Variants in RBMS3 observed in about 807,000 individuals in gnomAD.
RBMS3 encodes RNA-binding motif, single-stranded-interacting protein 3.
Under a neutral mutation model 66.8 loss-of-function variants are expected in RBMS3, and 27 were observed. The observed-to-expected ratio is 0.40, with a 90% CI of 0.30 to 0.56. The LOEUF (loss-of-function observed/expected upper bound fraction) is 0.56, where lower values mean the gene tolerates loss of function less well. RBMS3 is among the 20% of genes least tolerant of loss of function. The pLI is 0.40. For missense variants in RBMS3, 513 were observed against 549.5 expected (o/e 0.93, Z 0.66); for synonymous variants, 188 against 183.0 (o/e 1.03, Z -0.22).
At chr3:29,961,058 A>G (rs999432180) in intron 12 of RBMS3, among the ~76,000 whole-genome samples, 4 of 152,090 alleles carry the variant, frequency 2.6e-5, no homozygotes, top group African/African-American at 9.7e-5. Context: ...TCTTTCCTAT[A>G]GCATTGTCAA....
At chr3:29,813,520 G>T (rs1326606197) in intron 6 of RBMS3, among the ~76,000 whole-genome samples, 7 of 152,090 alleles carry the variant, frequency 4.6e-5, no homozygotes, top group Non-Finnish European at 8.8e-5. Context: ...TGTGAAGAAA[G>T]TCATTGGTAG....
intron 6 of RBMS3, among the ~76,000 whole-genome samples, chr3:29,792,635 A>G (rs2057050735): frequency 6.6e-6 from 1 of 152,188 alleles, no homozygotes; most frequent in Non-Finnish European, 1.5e-5. Flanking sequence ...TAATAAGAAC[A>G]ATTAAAGTAT....
In RBMS3 at chr3:29,439,655, T is replaced by C. The variant is rs199531365; in HGVS notation, c.248+4740T>C. ...TAAGTTTTAGGGTACATGTGCACAA[T>C]GTGCAGGTTAGTTACACATGCATAC... is the stretch of plus-strand genomic sequence containing the variant. On this transcript the variant is annotated intron_variant, in intron 2 of 14. Transcript: ENST00000383767. Among the ~76,000 whole-genome samples the C allele has an allele frequency of 5.3e-5, 8 of 152,064 alleles. No individual in the cohort carries two copies. In the East Asian group the frequency reaches 1.5e-3, roughly 29 times the overall value.
intron 4 of RBMS3, among the ~76,000 whole-genome samples, chr3:29,716,462 GA>G (rs1304735976): frequency 6.6e-6 from 1 of 152,072 alleles, no homozygotes; most frequent in Non-Finnish European, 1.5e-5. Context: ...TTAGAAAAAA[GA>G]AGAAAGGAGG....
chr3:30,002,739 C>T (rs1342645872), intron 14 of RBMS3, among the ~76,000 whole-genome samples: 2 of 152,048 alleles, frequency 1.3e-5, no homozygotes, highest in Non-Finnish European at 2.9e-5. Context: ...TCCTAATTGC[C>T]GTAGCTGGCT....
chr3:29,415,481 T>C (rs2040442868), intron 1 of RBMS3, among the ~76,000 whole-genome samples: 2 of 152,154 alleles, frequency 1.3e-5, no homozygotes, highest in African/African-American at 2.4e-5. Flanking sequence ...AGGAAGGTGA[T>C]CTATAGACAG....
rs138018453 is a variant in RBMS3 at position 29,666,525 on chromosome 3, C to T, written c.400-73195C>T. On this transcript the variant is annotated intron_variant, in intron 4 of 14. Transcript: ENST00000383767. ...AGTAGAAATGTGTACTTTTGGGTTC[C>T]AGAATCTTATATGGCTAACATGTGG... Among the ~76,000 whole-genome samples, 318 of 152,216 alleles carry T rather than the reference C, an allele frequency of 2.1e-3. 1 individual carries two copies. The highest frequency in any genetic ancestry group is 7.1e-3 in the African/African-American group (296 of 41,540).
At chr3:29,315,496 A>G (rs1195423544) in intron 1 of RBMS3, among the ~76,000 whole-genome samples, 1 of 151,788 alleles carries the variant, frequency 6.6e-6, no homozygotes, top group African/African-American at 2.4e-5. Context: ...AGCTACACAT[A>G]TATACAAAAA....
chr3:29,870,473 G>A (rs2059464214), intron 7 of RBMS3, among the ~76,000 whole-genome samples: 1 of 152,054 alleles, frequency 6.6e-6, no homozygotes, highest in Admixed American at 6.6e-5. Context: ...TCTCCTTAAG[G>A]AACTATAATA....
At chr3:29,316,242 A>G (rs1441637483) in intron 1 of RBMS3, among the ~76,000 whole-genome samples, 1 of 151,686 alleles carries the variant, frequency 6.6e-6, no homozygotes, top group Non-Finnish European at 1.5e-5. Flanking sequence ...AAACTCTACA[A>G]TATGATATTT....
At chr3:29,724,191 A>G (rs979329938) in intron 4 of RBMS3, among the ~76,000 whole-genome samples, 1 of 152,190 alleles carries the variant, frequency 6.6e-6, no homozygotes, top group African/African-American at 2.4e-5. Flanking sequence ...CTACCTCCAT[A>G]TAATTTAATA....
At chr3:29,358,890 T>G (rs1427321541) in intron 1 of RBMS3, among the ~76,000 whole-genome samples, 8 of 152,222 alleles carry the variant, frequency 5.3e-5, no homozygotes, top group Non-Finnish European at 1.2e-4. Flanking sequence ...TTTTGCACAT[T>G]GATTTTGTAT....
chr3:29,800,453 G>C (rs926964400), intron 6 of RBMS3, among the ~76,000 whole-genome samples: 1 of 152,048 alleles, frequency 6.6e-6, no homozygotes, highest in East Asian at 1.9e-4. Context: ...GAATGACATA[G>C]AATCAAATAT....
intron 4 of RBMS3, among the ~76,000 whole-genome samples, chr3:29,589,397 A>T (rs1048789010): frequency 6.6e-6 from 1 of 152,094 alleles, no homozygotes; most frequent in Admixed American, 6.6e-5. Flanking sequence ...AAAAAATGAG[A>T]TTCCAATTGG....
chr3:29,873,703 G>A lies in RBMS3; in HGVS notation c.744+4739G>A, dbSNP rs74726698. Among the ~76,000 whole-genome samples the A allele has an allele frequency of 7.5e-3, 1,136 of 152,240 alleles. 22 individuals carry two copies. The East Asian group carries it at 0.086, about 11-fold the overall frequency. On this transcript the variant is annotated intron_variant, in intron 7 of 14. Coordinates refer to ENST00000383767, the MANE Select transcript of RBMS3 (RefSeq NM_001003793.3). Reference sequence around the variant, plus strand: ...AATGCTTCTGGCTTTTGCCCATTCAGTATGATGTTGACTATGGGTTTTTCA... The same window carrying A: ...AATGCTTCTGGCTTTTGCCCATTCAATATGATGTTGACTATGGGTTTTTCA...
intron 2 of RBMS3, among the ~76,000 whole-genome samples, chr3:29,468,513 T>C (rs1412651414): frequency 6.6e-6 from 1 of 152,122 alleles, no homozygotes; most frequent in Non-Finnish European, 1.5e-5. Flanking sequence ...GACTGGGCTT[T>C]GGGGCTTTCC....
intron 12 of RBMS3, among the ~76,000 whole-genome samples, chr3:29,979,787 A>G (rs1408823582): frequency 6.6e-6 from 1 of 152,206 alleles, no homozygotes; most frequent in Non-Finnish European, 1.5e-5. Context: ...ATGGCTGCAT[A>G]GTATTCCATG....
At chr3:29,670,629 G>A (rs996770780) in intron 4 of RBMS3, among the ~76,000 whole-genome samples, 5 of 152,320 alleles carry the variant, frequency 3.3e-5, no homozygotes, top group African/African-American at 7.2e-5. Context: ...AGAGGGTCCC[G>A]TGCCCACGGA....
intron 6 of RBMS3, chr3:29,766,797 A>G (rs2055947487): frequency 6.6e-6 from 1 of 151,976 alleles, no homozygotes; most frequent in South Asian, 2.1e-4. Flanking sequence ...AACAAAGATC[A>G]GTCACATGTA....
Sources: allele counts gnomAD v4.1 joint callset (sites outside exome capture counted in the v4.1 genomes callset), GRCh38; gene constraint gnomAD v4.1.1; transcripts MANE v1.5; gene names NCBI Gene and HGNC (gene_info 2026-07-23, HGNC 2026-07-21).